The following MECOM variants were observed in gnomAD, a reference collection of about 807,000 sequenced individuals.
MECOM encodes the protein MDS1 and EVI1 complex locus.
MECOM carries 13 observed loss-of-function variants against 116.3 expected under a neutral mutation model. The observed-to-expected ratio is 0.11, with a 90% CI of 0.07 to 0.18. The LOEUF (loss-of-function observed/expected upper bound fraction) is 0.18. MECOM is among the 10% of genes least tolerant of loss of function. The probability of loss-of-function intolerance (pLI) is 1.00; values close to 1 mark genes in which losing one functional copy is unlikely to be tolerated. For missense variants in MECOM, 1,299 were observed against 1,509.0 expected (o/e 0.86, Z 2.31); for synonymous variants, 528 against 535.2 (o/e 0.99, Z 0.19).
chr3:169,188,337 A>G (rs537066975), intron 2 of MECOM, among the ~76,000 whole-genome samples: 65 of 152,214 alleles, frequency 4.3e-4, no homozygotes, highest in African/African-American at 1.5e-3. Context: ...GAGGAAATAA[A>G]CAGAAGAAAT....
At chr3:169,284,061 T>C (rs570426418) in intron 2 of MECOM, among the ~76,000 whole-genome samples, 18 of 152,318 alleles carry the variant, frequency 1.2e-4, no homozygotes, top group Admixed American at 6.5e-4. Flanking sequence ...AAATAGTTCC[T>C]TCAGGTGCAC....
chr3:169,124,272 A>G (rs968339273), intron 5 of MECOM, among the ~76,000 whole-genome samples: 3 of 152,116 alleles, frequency 2.0e-5, no homozygotes, highest in Non-Finnish European at 2.9e-5. Flanking sequence ...TAACACCACA[A>G]TGATATAAAC....
chr3:169,438,229 G>A (rs1327154528), intron 1 of MECOM, among the ~76,000 whole-genome samples: 3 of 152,204 alleles, frequency 2.0e-5, no homozygotes, highest in Non-Finnish European at 2.9e-5. Context: ...CCCAATTACA[G>A]GATAACAATA....
rs536684135 is a variant in MECOM, at chr3:169,115,949, A to G, written c.1923T>C (p.His641=). 1.2e-5 allele frequency: 20 copies of G among 1,614,118 alleles called. No homozygotes were observed. In the African/African-American group the frequency reaches 2.3e-4, roughly 18 times the overall value. ...SINNKKEYSN[H]SIFSPSLEEQ... ...CCTCTAAAGATGGTGAGAAAATGGA[A>G]TGATTGCTGTATTCTTTCTTATTAT... Residue 641 remains histidine, a synonymous_variant, in exon 8 of 17, where the codon CAT becomes CAC. Coordinates refer to ENST00000651503, the MANE Select transcript of MECOM (RefSeq NM_004991.4).
chr3:169,191,753 A>AGAAAGAAAGAAAGAAAGAAG, intron 2 of MECOM, among the ~76,000 whole-genome samples: 1 of 130,872 alleles, frequency 7.6e-6, no homozygotes, highest in Non-Finnish European at 1.6e-5. Context: ...AAAGAAAGAA[A>AGAAAGAAAGAAAGAAAGAAG]GAAAGAAAGA....
intron 2 of MECOM, among the ~76,000 whole-genome samples, chr3:169,216,632 T>G (rs1429764003): frequency 6.6e-6 from 1 of 151,924 alleles, no homozygotes; most frequent in Non-Finnish European, 1.5e-5. Context: ...TTACTAATTC[T>G]ATATGTTTCA....
intron 2 of MECOM, among the ~76,000 whole-genome samples, chr3:169,177,960 TG>T (rs2149387920): frequency 6.6e-6 from 1 of 151,296 alleles, no homozygotes; most frequent in African/African-American, 2.4e-5. Context: ...AGAAAAAGAA[TG>T]TGGTAGATAT....
chr3:169,512,433 T>C lies in MECOM; in HGVS notation c.38-130909A>G, dbSNP rs527330239. ...TCTGTGAGAGGCATCTATAGCACAA[T>C]GTTAACTCAAATGCAGTAAGCGTAA... is the stretch of plus-strand genomic sequence containing the variant. On this transcript the variant is annotated intron_variant, in intron 1 of 16. Transcript: ENST00000651503. Among the ~76,000 whole-genome samples, 44 of 152,332 alleles carry C rather than the reference T, an allele frequency of 2.9e-4. No individual in the cohort carries two copies. The South Asian group carries it at 6.6e-3, about 23-fold the overall frequency.
intron 2 of MECOM, among the ~76,000 whole-genome samples, chr3:169,226,032 T>A (rs1302155473): frequency 6.6e-6 from 1 of 152,248 alleles, no homozygotes; most frequent in Non-Finnish European, 1.5e-5. Flanking sequence ...TTTTATTACA[T>A]AAACTTCCAT....
chr3:169,276,701 A>G (rs1759628797), intron 2 of MECOM, among the ~76,000 whole-genome samples: 1 of 152,160 alleles, frequency 6.6e-6, no homozygotes, highest in African/African-American at 2.4e-5. Context: ...TGCCTTTGCA[A>G]CCATTCACCC....
At chr3:169,338,878 A>T (rs1490217515) in intron 2 of MECOM, among the ~76,000 whole-genome samples, 1 of 151,928 alleles carries the variant, frequency 6.6e-6, no homozygotes, top group African/African-American at 2.4e-5. Context: ...GGAGGAAGAG[A>T]GTGATAGGAA....
chr3:169,546,681 T>C (rs965966835), intron 1 of MECOM, among the ~76,000 whole-genome samples: 1 of 152,158 alleles, frequency 6.6e-6, no homozygotes, highest in Non-Finnish European at 1.5e-5. Context: ...ACAAACTGGC[T>C]ATTAGGTGTT....
At chr3:169,223,613 A>C (rs1752388243) in intron 2 of MECOM, among the ~76,000 whole-genome samples, 1 of 152,128 alleles carries the variant, frequency 6.6e-6, no homozygotes, top group South Asian at 2.1e-4. Context: ...CATTTCTTGG[A>C]GTTAGAACCC....
At position 169,538,494 on chromosome 3, in the gene MECOM, T is replaced by G. The variant is rs530872722; in HGVS notation, c.37+124842A>C. Among the ~76,000 whole-genome samples, 25 of 152,310 alleles carry G rather than the reference T, an allele frequency of 1.6e-4. No homozygotes were observed. The East Asian group carries it at 4.6e-3, about 28-fold the overall frequency. On this transcript the variant is annotated intron_variant, in intron 1 of 16. Coordinates refer to ENST00000651503, the MANE Select transcript of MECOM (RefSeq NM_004991.4). ...GCAAGTGACTACAAATTCCCTATCC[T>G]CAGTTTGCAAAACAGAGACTGTAAT...
At chr3:169,497,512 A>AT (rs1442760325) in intron 1 of MECOM, among the ~76,000 whole-genome samples, 4 of 151,274 alleles carry the variant, frequency 2.6e-5, no homozygotes, top group African/African-American at 7.3e-5. Flanking sequence ...GGCCCGGCTA[A>AT]TTTTTTTTCT....
Position 169,644,343 on chromosome 3 carries a change from G to A in MECOM, c.37+18993C>T, listed in dbSNP as rs149292374. On this transcript the variant is annotated intron_variant, in intron 1 of 16. Transcript: ENST00000651503. ...ACAATCTTGGCTCACTGCAACCTCC[G>A]GCTCCTGGATTCAAGCGATTCTCTT... is the stretch of plus-strand genomic sequence containing the variant. 4.2e-3 allele frequency among the ~76,000 whole-genome samples: 643 copies of A among 152,018 alleles called. 6 individuals carry two copies. The highest frequency in any genetic ancestry group is 0.015 in the African/African-American group (625 of 41,450).
intron 9 of MECOM, among the ~76,000 whole-genome samples, chr3:169,110,902 C>T (rs1356628978): frequency 6.6e-6 from 1 of 152,170 alleles, no homozygotes; most frequent in East Asian, 1.9e-4. Flanking sequence ...GGAATGACTG[C>T]TATGCTCGAA....
intron 1 of MECOM, among the ~76,000 whole-genome samples, chr3:169,418,655 A>T (rs1739154951): frequency 6.6e-6 from 1 of 152,224 alleles, no homozygotes; most frequent in African/African-American, 2.4e-5. Flanking sequence ...CCACATGATT[A>T]TCTCAATAGA....
chr3:169,432,738 G>T (rs1741843278), intron 1 of MECOM, among the ~76,000 whole-genome samples: 1 of 152,092 alleles, frequency 6.6e-6, no homozygotes, highest in Non-Finnish European at 1.5e-5. Context: ...TTATATCAAA[G>T]ACTACAAACA....
Sources: gnomAD v4.1 joint callset for allele counts (sites outside exome capture counted in the v4.1 genomes callset) on GRCh38, gnomAD v4.1.1 for gene constraint, MANE v1.5 for transcripts, NCBI Gene and HGNC (gene_info 2026-07-23, HGNC 2026-07-21) for gene names.